Variants in SLC9D1 observed in about 807,000 individuals in gnomAD.
SLC9D1 encodes putative LAG1-interacting protein.
the SLC9D1 span, among the ~76,000 whole-genome samples, chr13:113,499,587 G>T: frequency 6.6e-6 from 1 of 152,152 alleles, no homozygotes; most frequent in Non-Finnish European, 1.5e-5. Context: ...TTGACTGTGG[G>T]TCTTGAGGAC....
chr13:113,512,917 G>C, the SLC9D1 span, among the ~76,000 whole-genome samples: 9 of 151,934 alleles, frequency 5.9e-5, no homozygotes, highest in African/African-American at 1.9e-4. Flanking sequence ...CCAGGGGCCA[G>C]AATGTAGATG....
chr13:113,518,636 C>T, the SLC9D1 span, among the ~76,000 whole-genome samples: 1 of 152,160 alleles, frequency 6.6e-6, no homozygotes, highest in African/African-American at 2.4e-5. Context: ...CAGCCTCCCT[C>T]CCGTCTTGCG....
the SLC9D1 span, among the ~76,000 whole-genome samples, chr13:113,501,466 C>T: frequency 6.6e-6 from 1 of 152,142 alleles, no homozygotes; most frequent in East Asian, 1.9e-4. Flanking sequence ...GGATTCTGGT[C>T]TGGGGGGCAG....
chr13:113,503,361 G>A, the SLC9D1 span: 1 of 602,942 alleles, frequency 1.7e-6, no homozygotes, highest in Middle Eastern at 4.5e-4. Flanking sequence ...GTGTGTGTGT[G>A]TGTGTGTGTG....
At chr13:113,536,135 TG>T in the SLC9D1 span, among the ~76,000 whole-genome samples, 4 of 152,216 alleles carry the variant, frequency 2.6e-5, no homozygotes, top group African/African-American at 9.6e-5. Flanking sequence ...CGCAGCACTT[TG>T]GGAGGCCGAG....
the SLC9D1 span, chr13:113,505,147 G>T: frequency 6.6e-6 from 1 of 152,042 alleles, no homozygotes; most frequent in Non-Finnish European, 1.5e-5. Flanking sequence ...TTTTGGATGG[G>T]GTTGTTTGTT....
chr13:113,525,198 G>A, the SLC9D1 span, among the ~76,000 whole-genome samples: 1 of 152,146 alleles, frequency 6.6e-6, no homozygotes, highest in East Asian at 1.9e-4. Flanking sequence ...TGACATTTTG[G>A]TCAGTGATGG....
the SLC9D1 span, among the ~76,000 whole-genome samples, chr13:113,497,859 G>C: frequency 6.6e-6 from 1 of 152,184 alleles, no homozygotes; most frequent in Non-Finnish European, 1.5e-5. Flanking sequence ...AAATTATATT[G>C]CCAGCATCAT....
At chr13:113,507,315 A>G in the SLC9D1 span, among the ~76,000 whole-genome samples, 1 of 152,150 alleles carries the variant, frequency 6.6e-6, no homozygotes, top group African/African-American at 2.4e-5. Flanking sequence ...ATTATTAAGC[A>G]ATGTGTTTAT....
At chr13:113,525,069 T>A in the SLC9D1 span, among the ~76,000 whole-genome samples, 1 of 152,228 alleles carries the variant, frequency 6.6e-6, no homozygotes, top group Admixed American at 6.5e-5. Flanking sequence ...AGTGGACACA[T>A]GTAACTTATC....
chr13:113,548,937 A>G, the SLC9D1 span, among the ~76,000 whole-genome samples: 2 of 152,136 alleles, frequency 1.3e-5, no homozygotes, highest in African/African-American at 4.8e-5. Flanking sequence ...AATTGCTGAA[A>G]GGTAGAATTG....
chr13:113,529,763 G>C, the SLC9D1 span: 1 of 152,010 alleles, frequency 6.6e-6, no homozygotes, highest in Non-Finnish European at 1.5e-5. Context: ...GTATTTACCC[G>C]CAAGAAACAA....
At chr13:113,500,686 G>A in the SLC9D1 span, among the ~76,000 whole-genome samples, 49 of 152,286 alleles carry the variant, frequency 3.2e-4, no homozygotes, top group Admixed American at 2.9e-3. Flanking sequence ...GGAGTGGCAC[G>A]ACCATGACAG....
the SLC9D1 span, chr13:113,528,943 G>A: frequency 6.6e-6 from 1 of 152,126 alleles, no homozygotes; most frequent in Non-Finnish European, 1.5e-5. Context: ...TAGTTAAGAG[G>A]TCTGAGCATT....
the SLC9D1 span, chr13:113,505,981 G>A: frequency 2.6e-5 from 4 of 155,320 alleles, no homozygotes; most frequent in South Asian, 7.4e-4. Flanking sequence ...ACTTTAGGGT[G>A]TTCTCCAGGT....
chr13:113,525,000 A>C, the SLC9D1 span, among the ~76,000 whole-genome samples: 1 of 152,042 alleles, frequency 6.6e-6, no homozygotes, highest in African/African-American at 2.4e-5. Flanking sequence ...GTTTAGGCTC[A>C]TTTATAATGT....
the SLC9D1 span, among the ~76,000 whole-genome samples, chr13:113,515,017 C>T: frequency 1.1e-4 from 17 of 152,180 alleles, no homozygotes; most frequent in African/African-American, 4.1e-4. Context: ...CGCACCTGGC[C>T]CTGGCAGACA....
chr13:113,537,137 A>T, the SLC9D1 span, among the ~76,000 whole-genome samples: 2 of 152,164 alleles, frequency 1.3e-5, no homozygotes, highest in African/African-American at 4.8e-5. Flanking sequence ...TTCTCTTCTC[A>T]TTTGTAGGAA....
chr13:113,515,649 T>G, the SLC9D1 span, among the ~76,000 whole-genome samples: 1 of 152,070 alleles, frequency 6.6e-6, no homozygotes, highest in Non-Finnish European at 1.5e-5. Context: ...CCCAGCACTT[T>G]GGGAGGCCGA....
Sources: allele counts gnomAD v4.1 joint callset (sites outside exome capture counted in the v4.1 genomes callset), GRCh38; gene constraint gnomAD v4.1.1; transcripts MANE v1.5; gene names NCBI Gene and HGNC (gene_info 2026-07-23, HGNC 2026-07-21).